Variants in SRI observed in about 807,000 individuals in gnomAD.
SRI encodes the protein sorcin.
In SRI, 30 loss-of-function variants were observed where a neutral mutation model predicts 33.3. That is an observed-to-expected ratio of 0.90 (90% confidence interval 0.67 to 1.22). The LOEUF (loss-of-function observed/expected upper bound fraction) is 1.22. Ranked by LOEUF, SRI falls within the 50% of genes most tolerant of loss-of-function variation. SRI has a pLI of 0.00. For synonymous variants in SRI, 75 were observed against 89.9 expected (o/e 0.83, Z 0.94); for missense variants, 243 against 250.8 (o/e 0.97, Z 0.21).
Position 88,217,276 on chromosome 7 carries a change from CAAAGAA to C in SRI, c.136-91_136-86del, listed in dbSNP as rs958470993. On this transcript the variant is annotated intron_variant, in intron 2 of 7. Coordinates refer to ENST00000265729, the MANE Select transcript of SRI (RefSeq NM_003130.4). ...TCAGCATTCAATGAAGCAATAACAACAAAGAAAATCAGTATCTTTTTTTTATTTAAA... is the reference window on the plus strand; with the variant it reads ...TCAGCATTCAATGAAGCAATAACAACAATCAGTATCTTTTTTTTATTTAAA... 13 of 1,086,464 alleles carry C rather than the reference CAAAGAA, an allele frequency of 1.2e-5. No homozygotes were observed. The African/African-American group carries it at 2.0e-4, about 17-fold the overall frequency. 67.3% of individuals were successfully genotyped at this position (1,086,464 alleles called of 1,614,324 possible). A position where few individuals can be genotyped will look rare whatever the true frequency, so the allele number is the denominator to read the frequency against.
At chr7:88,213,130 T>A (rs1468709928) in intron 3 of SRI, among the ~76,000 whole-genome samples, 8 of 152,130 alleles carry the variant, frequency 5.3e-5, no homozygotes, top group African/African-American at 9.7e-5. Flanking sequence ...CCCCACTGTC[T>A]CCTTAGTTAG....
intron 3 of SRI, among the ~76,000 whole-genome samples, chr7:88,212,042 G>A (rs1356697346): frequency 6.6e-6 from 1 of 152,242 alleles, no homozygotes; most frequent in Non-Finnish European, 1.5e-5. Context: ...AGTGACAAGG[G>A]TCACGTGGGA....
At chr7:88,222,697 A>T (rs1474834631), upstream of SRI, among the ~76,000 whole-genome samples, 1 of 152,186 alleles carries the variant, frequency 6.6e-6, no homozygotes, top group African/African-American at 2.4e-5. Flanking sequence ...ATAACGCCGC[A>T]TACCTACAAC....
In SRI at chr7:88,206,406, G is replaced by A. The variant is rs1284123532; in HGVS notation, c.*72C>T. 8.3e-6 allele frequency: 13 copies of A among 1,563,854 alleles called. No homozygotes were observed. The highest frequency in any genetic ancestry group is 2.2e-5 in the East Asian group (1 of 44,582). ...GTGATGTAAGTTTATACATATTACCGAAGGCAAAGAGGACAAGCAAAGGAG... is the reference window on the plus strand; with the variant it reads ...GTGATGTAAGTTTATACATATTACCAAAGGCAAAGAGGACAAGCAAAGGAG... On this transcript the variant is annotated 3_prime_UTR_variant, in exon 8 of 8. Coordinates refer to ENST00000265729, the MANE Select transcript of SRI (RefSeq NM_003130.4).
chr7:88,216,848 T>C (rs537320071), intron 3 of SRI: 10 of 483,342 alleles, frequency 2.1e-5, no homozygotes, highest in Non-Finnish European at 3.7e-5. Flanking sequence ...AATCATAGAT[T>C]ACTGCAGCCA....
At chr7:88,225,382 T>A (rs1358431885) in intron 1 of SRI, among the ~76,000 whole-genome samples, 1 of 152,184 alleles carries the variant, frequency 6.6e-6, no homozygotes, top group East Asian at 1.9e-4. Flanking sequence ...ATTAGGGCTG[T>A]CAAAAATGAC....
At chr7:88,219,893 C>T in intron 1 of SRI, 83 bp downstream of exon 1, 2 of 1,494,208 alleles carry the variant, frequency 1.3e-6, no homozygotes, top group Non-Finnish European at 1.8e-6. Flanking sequence ...CAGCGCCTCA[C>T]CCCGCTGGCC....
chr7:88,219,921 G>A (rs1298855183), intron 1 of SRI, 55 bp downstream of exon 1: 47 of 1,528,258 alleles, frequency 3.1e-5, no homozygotes, highest in Admixed American at 5.9e-5. Context: ...CTCCAAGGTG[G>A]CCTCTTAGCG....
upstream of SRI, chr7:88,220,082 T>TGCCCC (rs1420949488): frequency 1.0e-5 from 15 of 1,470,536 alleles, no homozygotes; most frequent in African/African-American, 8.8e-5. Context: ...CTCCGCCCCC[T>TGCCCC]GCCCCGCCCC....
chr7:88,209,850 A>G, intron 5 of SRI, 133 bp downstream of exon 5: 1 of 1,182,472 alleles, frequency 8.5e-7, no homozygotes, highest in Non-Finnish European at 1.3e-6. Flanking sequence ...TCCCGAGCTC[A>G]GGCAATCCAC....
chr7:88,210,427 G>T (rs1356546884), intron 4 of SRI: 2 of 434,780 alleles, frequency 4.6e-6, no homozygotes, highest in Non-Finnish European at 8.5e-6. Context: ...GCTGTACTTT[G>T]TGGGTGCTTC....
upstream of SRI, among the ~76,000 whole-genome samples, chr7:88,223,489 A>G (rs1851934464): frequency 6.6e-6 from 1 of 152,182 alleles, no homozygotes; most frequent in African/African-American, 2.4e-5. Flanking sequence ...GAGAGAGTCT[A>G]CATACATAGT....
intron 1 of SRI, 187 bp from the exon 2 acceptor site, chr7:88,219,129 A>T: frequency 1.6e-6 from 1 of 625,558 alleles, no homozygotes; most frequent in African/African-American, 1.8e-5. Flanking sequence ...CGTAATTTAA[A>T]AACTGGCGAC....
At chr7:88,221,444 A>G (rs376002037), upstream of SRI, among the ~76,000 whole-genome samples, 29 of 152,328 alleles carry the variant, frequency 1.9e-4, no homozygotes, top group African/African-American at 6.5e-4. Context: ...TGAGACATCT[A>G]ATGAGTCCCC....
chr7:88,219,552 GT>G, intron 1 of SRI: 2 of 189,836 alleles, frequency 1.1e-5, no homozygotes, highest in Admixed American at 6.3e-5. Context: ...TTGTTTGTTT[GT>G]TTGTTTGTTT....
rs1265513727 is a variant in SRI at position 88,216,907 on chromosome 7, G to C, written c.205+215C>G. On this transcript the variant is annotated intron_variant, in intron 3 of 7. Transcript: ENST00000265729. The stretch of plus-strand genomic sequence containing the variant: ...CTCCTGCCTGGGCCTCTGAAGTACT[G>C]GGATTACAGGTGTGAGCCACTGTGC... 3 of 587,870 alleles carry C rather than the reference G, an allele frequency of 5.1e-6. No individual in the cohort carries two copies. The Admixed American group carries it at 8.6e-5, about 17-fold the overall frequency. The allele number at this position is 587,870 out of a possible 1,614,324, so 36.4% of individuals were successfully genotyped here.
Position 88,210,072 on chromosome 7 carries a change from T to C in SRI, c.308A>G (p.Asn103Ser), listed in dbSNP as rs765209118. ...NEFKELWAVLNGWRQHFISFD... is the reference protein window; with the variant it reads ...NEFKELWAVLSGWRQHFISFD... ...ACTGATAAAGTGTTGTCTCCAGCCA[T>C]TCAGTACAGCCCAGAGTTCTTTAAA... The change falls in exon 5 of 8, where the codon AAT (asparagine) becomes AGT (serine). Residue 103 changes from asparagine to serine, a missense_variant. Asn to Ser is a conservative substitution (Grantham distance 46). Transcript: ENST00000265729. 1.2e-6 allele frequency: 2 copies of C among 1,614,082 alleles called. No homozygotes were observed. Among genetic ancestry groups the C allele is most frequent in the Admixed American group, 3.3e-5 (2 of 60,004 alleles).
At chr7:88,224,499 T>C (rs946933608), upstream of SRI, among the ~76,000 whole-genome samples, 3 of 152,212 alleles carry the variant, frequency 2.0e-5, no homozygotes, top group Non-Finnish European at 2.9e-5. Flanking sequence ...CACCTCATGA[T>C]TTAAAGACCT....
intron 3 of SRI, among the ~76,000 whole-genome samples, chr7:88,213,346 A>T (rs1315737299): frequency 6.6e-6 from 1 of 152,192 alleles, no homozygotes; most frequent in Admixed American, 6.5e-5. Context: ...TTATTTTGCA[A>T]GTCAGGCTCA....
Sources: allele counts gnomAD v4.1 joint callset (sites outside exome capture counted in the v4.1 genomes callset), GRCh38; gene constraint gnomAD v4.1.1; transcripts MANE v1.5; gene names NCBI Gene and HGNC (gene_info 2026-07-23, HGNC 2026-07-21).